The following SMARCD3 variants were observed in gnomAD, a reference collection of about 807,000 sequenced individuals.
The protein encoded by SMARCD3 is SWI/SNF related BAF chromatin remodeling complex subunit D3.
SMARCD3 carries 14 observed loss-of-function variants against 58.0 expected under a neutral mutation model. The observed-to-expected ratio is 0.24, with a 90% CI of 0.16 to 0.38. The LOEUF (loss-of-function observed/expected upper bound fraction) is 0.38, where lower values mean the gene tolerates loss of function less well. Ranked by LOEUF, SMARCD3 falls within the 10% of genes least tolerant of loss-of-function variation. The pLI, the probability that SMARCD3 is intolerant of heterozygous loss-of-function variation, is 1.00. For synonymous variants in SMARCD3, 253 were observed against 253.8 expected (o/e 1.00, Z 0.03); for missense variants, 408 against 636.9 (o/e 0.64, Z 3.87).
At chr7:151,259,601 G>GTTTTTT (rs112223142) in intron 2 of SMARCD3, among the ~76,000 whole-genome samples, 1,538 of 70,346 alleles carry the variant, frequency 0.022, 174 homozygotes, top group African/African-American at 0.056. Context: ...CAACCTGAGA[G>GTTTTTT]TTTTTTTTTT....
chr7:151,241,709 G>A lies in SMARCD3; in HGVS notation c.778-56C>T. On this transcript the variant is annotated intron_variant, in intron 7 of 12. Transcript: ENST00000262188. This position sits in a 1 kb window ranked among gnomAD's most constrained non-coding sequence, Gnocchi z 5.3. ...AAAGGGAGAGAAAGGAAGGAGCCCA[G>A]GGCCAGGCCATTCAGGACTAGGGGG... 1.3e-6 allele frequency: 2 copies of A among 1,535,478 alleles called. No individual in the cohort carries two copies. The highest frequency in any genetic ancestry group is 1.8e-6 in the Non-Finnish European group (2 of 1,121,052).
rs1249103333 is a variant in SMARCD3 at position 151,246,113 on chromosome 7, C to A, written c.79-442G>T. 6.6e-6 allele frequency: 1 copy of A among 152,396 alleles called. No homozygotes were observed. The highest frequency in any genetic ancestry group is 2.4e-5 in the African/African-American group (1 of 41,444). 9.4% of individuals were successfully genotyped at this position (152,396 alleles called of 1,614,324 possible). On this transcript the variant is annotated intron_variant, in intron 1 of 12. Transcript: ENST00000262188. The surrounding 1 kb of genome is among the most constrained non-coding windows in gnomAD (Gnocchi z 4.4). ...GCCAAGGTCACACAGCTCATCCTGG[C>A]CCAGGCAGCCCCTGAAGGGCTGCCT...
rs200196570 is a variant in SMARCD3, at chr7:151,242,677, T to C, written c.456+44A>G. On this transcript the variant is annotated intron_variant, in intron 4 of 12. Coordinates refer to ENST00000262188, the MANE Select transcript of SMARCD3 (RefSeq NM_001003801.2). The surrounding 1 kb of genome is among the most constrained non-coding windows in gnomAD (Gnocchi z 4.7). The stretch of plus-strand genomic sequence containing the variant: ...CGACCACCCTGCTTCCCCATCCTGG[T>C]CACACAACTCTAGAGTCCCCTTCCT... The C allele has an allele frequency of 7.0e-5, 113 of 1,613,298 alleles. No individual in the cohort carries two copies. In the African/African-American group the frequency reaches 1.3e-3, roughly 19 times the overall value.
rs117372154 is a variant in SMARCD3, at chr7:151,246,404, C to T, written c.79-733G>A. 0.012 allele frequency among the ~76,000 whole-genome samples: 1,899 copies of T among 152,282 alleles called. 26 individuals carry two copies. Among genetic ancestry groups the T allele is most frequent in the Middle Eastern group, 0.058 (17 of 294 alleles). ...GACCAAGCTGCCCCCATAATTTGCT[C>T]CCAGGGTGAGGGCTGGAGGCAGGGC... On this transcript the variant is annotated intron_variant, in intron 1 of 12. Transcript: ENST00000262188. This position sits in a 1 kb window ranked among gnomAD's most constrained non-coding sequence, Gnocchi z 4.4.
intron 2 of SMARCD3, among the ~76,000 whole-genome samples, chr7:151,265,177 G>A (rs190795189): frequency 6.6e-6 from 1 of 152,324 alleles, no homozygotes; most frequent in African/African-American, 2.4e-5. Flanking sequence ...CTTATTTGGA[G>A]AGAGGGTCCT....
chr7:151,261,943 A>T (rs1195229506), intron 2 of SMARCD3, among the ~76,000 whole-genome samples: 1 of 152,192 alleles, frequency 6.6e-6, no homozygotes, highest in Non-Finnish European at 1.5e-5. Flanking sequence ...TTGGGCAGAG[A>T]GCAGCCACAA....
In SMARCD3 at chr7:151,239,605, C is replaced by G; in HGVS notation, c.1296+19G>C. 1 of 1,614,068 alleles carries G rather than the reference C, an allele frequency of 6.2e-7. No homozygotes were observed. Among genetic ancestry groups the G allele is most frequent in the South Asian group, 1.1e-5 (1 of 91,080 alleles). ...GTGCTTGTCTTCCACTCCAGTACTC[C>G]CTGAGTCTCCCTCTTCACCTTGAGG... On this transcript the variant is annotated intron_variant, in intron 11 of 12. Transcript: ENST00000262188. This position sits in a 1 kb window ranked among gnomAD's most constrained non-coding sequence, Gnocchi z 7.0.
rs141041320 is a variant in SMARCD3 at position 151,246,844 on chromosome 7, T to C, written c.79-1173A>G. Among the ~76,000 whole-genome samples, 114 of 152,206 alleles carry C rather than the reference T, an allele frequency of 7.5e-4. No homozygotes were observed. Among genetic ancestry groups the C allele is most frequent in the African/African-American group, 2.6e-3 (107 of 41,526 alleles). ...AGAAAGAGCGGGGTGGGATGGGGAC[T>C]GGGACCACGAAAGCAGGAAGAAGAT... On this transcript the variant is annotated intron_variant, in intron 1 of 12. Coordinates refer to ENST00000262188, the MANE Select transcript of SMARCD3 (RefSeq NM_001003801.2). This position sits in a 1 kb window ranked among gnomAD's most constrained non-coding sequence, Gnocchi z 4.4.
chr7:151,262,309 T>C (rs1394209226), intron 2 of SMARCD3, among the ~76,000 whole-genome samples: 2 of 152,216 alleles, frequency 1.3e-5, no homozygotes, highest in Non-Finnish European at 2.9e-5. Flanking sequence ...CACCAACTCC[T>C]GGGCTCAAGG....
Position 151,243,607 on chromosome 7 carries a change from G to T in SMARCD3, c.333+52C>A. ...TGCTTCTGAGGGGGGAGGGGAGGGC[G>T]GAGCAGCAAAGGGTGGGGGGTGGGC... On this transcript the variant is annotated intron_variant, in intron 3 of 12. Transcript: ENST00000262188. The surrounding 1 kb of genome is among the most constrained non-coding windows in gnomAD (Gnocchi z 4.4). The T allele has an allele frequency of 2.0e-6, 2 of 1,000,512 alleles. No homozygotes were observed. Among genetic ancestry groups the T allele is most frequent in the Non-Finnish European group, 3.2e-6 (2 of 623,144 alleles). 62.0% of individuals were successfully genotyped at this position (1,000,512 alleles called of 1,614,324 possible). A position where few individuals can be genotyped will look rare whatever the true frequency, so the allele number is the denominator to read the frequency against.
chr7:151,251,907 T>TG (rs907614258), upstream of SMARCD3, among the ~76,000 whole-genome samples: 36 of 144,898 alleles, frequency 2.5e-4, no homozygotes, highest in Non-Finnish European at 4.6e-4. Flanking sequence ...GCCGGGGAGC[T>TG]GGGGGGGCTC....
At chr7:151,247,812 C>T (rs1196466164) in intron 1 of SMARCD3, among the ~76,000 whole-genome samples, 1 of 152,156 alleles carries the variant, frequency 6.6e-6, no homozygotes, top group African/African-American at 2.4e-5. Flanking sequence ...GTCTCTAGGC[C>T]TCATGTCCCC....
At chr7:151,251,742 T>C (rs938416137), upstream of SMARCD3, among the ~76,000 whole-genome samples, 1 of 151,116 alleles carries the variant, frequency 6.6e-6, no homozygotes, top group Admixed American at 6.6e-5. Flanking sequence ...GGCGCCGCAG[T>C]CCCCCCTGCC....
At chr7:151,259,982 C>G (rs1803864747) in intron 2 of SMARCD3, among the ~76,000 whole-genome samples, 1 of 152,176 alleles carries the variant, frequency 6.6e-6, no homozygotes, top group Non-Finnish European at 1.5e-5. Context: ...CAAGCACTTC[C>G]ACACACAGTA....
At chr7:151,262,740 G>A (rs10487756) in intron 2 of SMARCD3, among the ~76,000 whole-genome samples, 30,968 of 152,188 alleles carry the variant, frequency 0.2, 3,587 homozygotes, top group Non-Finnish European at 0.27. Flanking sequence ...TCAGAGTAGC[G>A]ACACCTAAGC....
intron 2 of SMARCD3, among the ~76,000 whole-genome samples, chr7:151,271,004 C>T (rs2150617215): frequency 6.6e-6 from 1 of 152,274 alleles, no homozygotes; most frequent in Admixed American, 6.5e-5. Context: ...ACCTGAGCCT[C>T]AATATCACTG....
chr7:151,251,098 C>T (rs541144553), upstream of SMARCD3, among the ~76,000 whole-genome samples: 1 of 151,952 alleles, frequency 6.6e-6, no homozygotes, highest in South Asian at 2.1e-4. Context: ...GTTTGGGTAG[C>T]TGGGAAGTTT....
At chr7:151,254,221 C>T (rs1306363725) in intron 2 of SMARCD3, 1 of 152,486 alleles carries the variant, frequency 6.6e-6, no homozygotes, top group East Asian at 1.9e-4. Context: ...CACTCCTGCC[C>T]TGCCCCAGCC....
chr7:151,269,839 C>T (rs982913880), intron 2 of SMARCD3, among the ~76,000 whole-genome samples: 2 of 152,144 alleles, frequency 1.3e-5, no homozygotes, highest in Non-Finnish European at 2.9e-5. Flanking sequence ...TATAGAAGGG[C>T]ATGATGTCCC....
Sources: gnomAD v4.1 joint callset for allele counts (sites outside exome capture counted in the v4.1 genomes callset) on GRCh38, gnomAD v4.1.1 for gene constraint, Gnocchi (gnomAD v3.1) non-coding constraint, MANE v1.5 for transcripts, NCBI Gene and HGNC (gene_info 2026-07-23, HGNC 2026-07-21) for gene names.